Variants in GBE1 observed in about 807,000 individuals in gnomAD.
The protein encoded by GBE1 is 1,4-alpha-glucan branching enzyme 1, also known as 1,4-alpha-glucan-branching enzyme.
GBE1 carries 70 observed loss-of-function variants against 88.8 expected under a neutral mutation model. The observed-to-expected ratio is 0.79, with a 90% CI of 0.65 to 0.96. The LOEUF (loss-of-function observed/expected upper bound fraction) is 0.96, where lower values mean the gene tolerates loss of function less well. GBE1 is among the 40% of genes least tolerant of loss of function. The pLI, the probability that GBE1 is intolerant of heterozygous loss-of-function variation, is 0.00. For synonymous variants in GBE1, 284 were observed against 300.1 expected (o/e 0.95, Z 0.56); for missense variants, 872 against 871.0 (o/e 1.00, Z -0.01).
chr3:81,599,755 T>A (rs965424396), intron 7 of GBE1, among the ~76,000 whole-genome samples: 1 of 152,138 alleles, frequency 6.6e-6, no homozygotes, highest in Non-Finnish European at 1.5e-5. Context: ...GTTTAAAAAA[T>A]TCTACCTTAT....
At chr3:81,502,564 G>A (rs77096266) in intron 14 of GBE1, among the ~76,000 whole-genome samples, 2,173 of 152,248 alleles carry the variant, frequency 0.014, 51 homozygotes, top group African/African-American at 0.048. Flanking sequence ...AAGGTAATGC[G>A]TGTGAAAGAG....
intron 1 of GBE1, among the ~76,000 whole-genome samples, chr3:81,753,761 C>A (rs1706564638): frequency 6.6e-6 from 1 of 152,142 alleles, no homozygotes; most frequent in African/African-American, 2.4e-5. Context: ...CTGCAAAGGG[C>A]AAATGAATCT....
chr3:81,555,352 T>C (rs184154636), intron 12 of GBE1, among the ~76,000 whole-genome samples: 2 of 152,272 alleles, frequency 1.3e-5, no homozygotes, highest in African/African-American at 4.8e-5. Context: ...ACCCTCCATA[T>C]AGGTAAACCA....
intron 12 of GBE1, among the ~76,000 whole-genome samples, chr3:81,554,456 T>A (rs1559643441): frequency 6.6e-6 from 1 of 152,192 alleles, no homozygotes; most frequent in Non-Finnish European, 1.5e-5. Context: ...AACTTTAGGT[T>A]TAGACTCAAA....
intron 1 of GBE1, among the ~76,000 whole-genome samples, chr3:81,732,639 C>T (rs1706205355): frequency 6.6e-6 from 1 of 152,132 alleles, no homozygotes; most frequent in African/African-American, 2.4e-5. Flanking sequence ...TTCTTACCAT[C>T]ACTCCTAAGA....
At chr3:81,690,911 C>T (rs916631144) in intron 2 of GBE1, among the ~76,000 whole-genome samples, 7 of 151,906 alleles carry the variant, frequency 4.6e-5, no homozygotes, top group African/African-American at 1.5e-4. Context: ...CCTACTAACA[C>T]AAAGCAAAAA....
At chr3:81,706,192 T>G (rs1346777390) in intron 1 of GBE1, among the ~76,000 whole-genome samples, 1 of 152,134 alleles carries the variant, frequency 6.6e-6, no homozygotes, top group Admixed American at 6.6e-5. Context: ...AACACTTTAT[T>G]TACAAAAAAC....
intron 1 of GBE1, among the ~76,000 whole-genome samples, chr3:81,749,427 T>C (rs1706464058): frequency 6.6e-6 from 1 of 151,656 alleles, no homozygotes; most frequent in Non-Finnish European, 1.5e-5. Flanking sequence ...ATGCAAACCA[T>C]ATAACTCACT....
chr3:81,509,242 G>C (rs965879623), intron 14 of GBE1, among the ~76,000 whole-genome samples: 2 of 147,996 alleles, frequency 1.4e-5, no homozygotes, highest in African/African-American at 2.5e-5. Flanking sequence ...TAATCATACA[G>C]TACATAGAAC....
intron 1 of GBE1, among the ~76,000 whole-genome samples, chr3:81,759,844 T>C (rs1257281525): frequency 6.6e-6 from 1 of 151,752 alleles, no homozygotes; most frequent in African/African-American, 2.4e-5. Context: ...GTTTGTGTCA[T>C]TTAAAAAAAA....
chr3:81,623,575 A>G (rs988075440), intron 7 of GBE1, among the ~76,000 whole-genome samples: 4 of 152,160 alleles, frequency 2.6e-5, no homozygotes, highest in African/African-American at 9.7e-5. Context: ...AGGGTTCAGG[A>G]AGGTTGGGTA....
intron 14 of GBE1, among the ~76,000 whole-genome samples, chr3:81,518,460 A>G (rs937804460): frequency 6.6e-6 from 1 of 151,446 alleles, no homozygotes; most frequent in Non-Finnish European, 1.5e-5. Flanking sequence ...AAGGCAATCT[A>G]AAAGTGTTAT....
At chr3:81,567,947 T>C (rs959927711) in intron 12 of GBE1, among the ~76,000 whole-genome samples, 1 of 152,212 alleles carries the variant, frequency 6.6e-6, no homozygotes, top group African/African-American at 2.4e-5. Flanking sequence ...CTTTATGATC[T>C]AACTCCTGCC....
chr3:81,620,954 T>A (rs1404833902), intron 7 of GBE1, among the ~76,000 whole-genome samples: 1 of 152,170 alleles, frequency 6.6e-6, no homozygotes, highest in Non-Finnish European at 1.5e-5. Context: ...AGACTCAGTA[T>A]ACGAGAGGAC....
At chr3:81,758,499 C>A (rs1402395573) in intron 1 of GBE1, among the ~76,000 whole-genome samples, 1 of 152,178 alleles carries the variant, frequency 6.6e-6, no homozygotes, top group Non-Finnish European at 1.5e-5. Context: ...CAAAACAAAT[C>A]CTTCATAAGC....
chr3:81,696,233 T>G (rs1160295539), intron 2 of GBE1, among the ~76,000 whole-genome samples: 1 of 152,194 alleles, frequency 6.6e-6, no homozygotes, highest in Non-Finnish European at 1.5e-5. Context: ...ATCAGTGAAT[T>G]CCAATTCACC....
chr3:81,629,741 G>A (rs557478534), intron 7 of GBE1, among the ~76,000 whole-genome samples: 1 of 152,110 alleles, frequency 6.6e-6, no homozygotes, highest in South Asian at 2.1e-4. Flanking sequence ...TATACTTTAA[G>A]TTTTAGGGTA....
At chr3:81,731,956 C>A (rs1483497657) in intron 1 of GBE1, among the ~76,000 whole-genome samples, 1 of 151,724 alleles carries the variant, frequency 6.6e-6, no homozygotes, top group Non-Finnish European at 1.5e-5. Context: ...TCTTAATTCC[C>A]AAAAAAACAC....
intron 1 of GBE1, among the ~76,000 whole-genome samples, chr3:81,709,945 A>G (rs1317453093): frequency 6.6e-6 from 1 of 152,220 alleles, no homozygotes; most frequent in African/African-American, 2.4e-5. Flanking sequence ...CCAAGAACAT[A>G]AAATGAAACT....
Sources: gnomAD v4.1 joint callset for allele counts (sites outside exome capture counted in the v4.1 genomes callset) on GRCh38, gnomAD v4.1.1 for gene constraint, MANE v1.5 for transcripts, NCBI Gene and HGNC (gene_info 2026-07-23, HGNC 2026-07-21) for gene names.